The following RAP1GAP2 variants were observed in gnomAD, a reference collection of about 807,000 sequenced individuals.
RAP1GAP2 encodes the protein rap1 GTPase-activating protein 2.
In RAP1GAP2, 27 loss-of-function variants were observed where a neutral mutation model predicts 95.0. The ratio of observed to expected loss-of-function variants is 0.28; its 90% confidence interval spans 0.21 to 0.39. The LOEUF is 0.39. Ranked by LOEUF, RAP1GAP2 falls within the 10% of genes least tolerant of loss-of-function variation. The pLI, the probability that RAP1GAP2 is intolerant of heterozygous loss-of-function variation, is 1.00. For missense variants in RAP1GAP2, 771 were observed against 970.0 expected, an observed-to-expected ratio of 0.79 and a Z score of 2.72; for synonymous variants, 373 against 380.9, an observed-to-expected ratio of 0.98 and a Z score of 0.24.
Position 2,830,621 on chromosome 17 carries a change from G to A in RAP1GAP2, c.80+30071G>A, listed in dbSNP as rs530256984. Among the ~76,000 whole-genome samples the A allele has an allele frequency of 4.6e-5, 7 of 152,102 alleles. No homozygotes were observed. The East Asian group carries it at 9.7e-4, about 21-fold the overall frequency. ...CCCAGCTACTCAGGAAGCTGAGGCA[G>A]GAGAATCGCTTGAACCTGGGAGGCG... On this transcript the variant is annotated intron_variant, in intron 2 of 24. Coordinates refer to ENST00000254695, the MANE Select transcript of RAP1GAP2 (RefSeq NM_015085.5).
rs147401344 is a variant in RAP1GAP2 at position 2,829,230 on chromosome 17, C to T, written c.80+28680C>T. 3.1e-3 allele frequency among the ~76,000 whole-genome samples: 467 copies of T among 152,156 alleles called. 2 individuals carry two copies. Among genetic ancestry groups the T allele is most frequent in the African/African-American group, 0.011 (437 of 41,528 alleles). On this transcript the variant is annotated intron_variant, in intron 2 of 24. Transcript: ENST00000254695. ...AACTCCTGACCTCAGGTGATCCACC[C>T]GCCTCAGCCTTAAAAAGTACTGGGA...
intron 2 of RAP1GAP2, among the ~76,000 whole-genome samples, chr17:2,851,191 G>T (rs1249839920): frequency 1.3e-5 from 2 of 152,198 alleles, no homozygotes; most frequent in South Asian, 2.1e-4. Context: ...GGAAGCTTTG[G>T]CTGGGCTAAC....
intron 2 of RAP1GAP2, among the ~76,000 whole-genome samples, chr17:2,880,879 C>A (rs1466887240): frequency 6.6e-6 from 1 of 152,182 alleles, no homozygotes; most frequent in East Asian, 1.9e-4. Flanking sequence ...GGAATCCCAG[C>A]ACTTTGGGAG....
chr17:2,991,408 G>C lies in RAP1GAP2; in HGVS notation c.914+11G>C, dbSNP rs1243083101. The C allele has an allele frequency of 6.4e-7, 1 of 1,573,670 alleles. No homozygotes were observed. The highest frequency in any genetic ancestry group is 1.8e-5 in the Admixed American group (1 of 55,398). On this transcript the variant is annotated intron_variant, in intron 12 of 24. Coordinates refer to ENST00000254695, the MANE Select transcript of RAP1GAP2 (RefSeq NM_015085.5). ...GCAGGATTTCAAAGGGTGGGTTTTA[G>C]CCAAGTGACGGCTCCAGCTCCATCA...
chr17:3,035,332 G>A lies in RAP1GAP2; in HGVS notation c.*1971G>A, dbSNP rs1033592334. ...TAAGAACAGTTGCAGGATCTGGCTC[G>A]CCTCTGTGGGAAGCCGGCATTACAG... On this transcript the variant is annotated 3_prime_UTR_variant, in exon 25 of 25. Coordinates refer to ENST00000254695, the MANE Select transcript of RAP1GAP2 (RefSeq NM_015085.5). The surrounding 1 kb of genome is among the most constrained non-coding windows in gnomAD (Gnocchi z 4.3). The A allele has an allele frequency of 6.6e-6, 1 of 152,242 alleles. No homozygotes were observed. The highest frequency in any genetic ancestry group is 1.5e-5 in the Non-Finnish European group (1 of 68,068). The allele number at this position is 152,242 out of a possible 1,614,324, so 9.4% of individuals were successfully genotyped here.
chr17:2,895,637 C>T (rs915910281), intron 2 of RAP1GAP2, among the ~76,000 whole-genome samples: 10 of 151,740 alleles, frequency 6.6e-5, no homozygotes, highest in East Asian at 1.9e-4. Flanking sequence ...AGTGCAGTGG[C>T]GCGATCTCGG....
At chr17:2,767,836 T>C (rs1173507268) in intron 1 of RAP1GAP2, among the ~76,000 whole-genome samples, 2 of 151,560 alleles carry the variant, frequency 1.3e-5, no homozygotes, top group Non-Finnish European at 2.9e-5. Context: ...AGGTTCACGC[T>C]ATTCTCCTGC....
intron 2 of RAP1GAP2, among the ~76,000 whole-genome samples, chr17:2,834,262 G>A (rs2071034689): frequency 1.3e-5 from 2 of 152,182 alleles, no homozygotes; most frequent in East Asian, 1.9e-4. Flanking sequence ...TGCCCTGAGG[G>A]CCCCTGGGGG....
At chr17:2,972,353 G>A (rs900074176) in intron 8 of RAP1GAP2, among the ~76,000 whole-genome samples, 8 of 65,278 alleles carry the variant, frequency 1.2e-4, no homozygotes, top group Non-Finnish European at 2.3e-4. Context: ...TTATGGGCTG[G>A]GCACGGTGGC....
At position 2,933,401 on chromosome 17, in the gene RAP1GAP2, G is replaced by A. The variant is rs117728846; in HGVS notation, c.166-24358G>A. Among the ~76,000 whole-genome samples the A allele has an allele frequency of 7.5e-4, 114 of 152,340 alleles. No homozygotes were observed. The East Asian group carries it at 0.02, about 27-fold the overall frequency. On this transcript the variant is annotated intron_variant, in intron 3 of 24. Coordinates refer to ENST00000254695, the MANE Select transcript of RAP1GAP2 (RefSeq NM_015085.5). ...GACACAGCCAGACACCTGCCTTCCA[G>A]GGCCAGTTAGGAGAGGGTACAAGCT...
intron 3 of RAP1GAP2, among the ~76,000 whole-genome samples, chr17:2,925,956 T>C (rs1412191491): frequency 6.6e-6 from 1 of 151,938 alleles, no homozygotes; most frequent in African/African-American, 2.4e-5. Context: ...CTGGCCAACA[T>C]GGCGAAAGCC....
At chr17:2,845,236 G>T (rs1203158662) in intron 2 of RAP1GAP2, among the ~76,000 whole-genome samples, 1 of 151,672 alleles carries the variant, frequency 6.6e-6, no homozygotes, top group African/African-American at 2.4e-5. Context: ...TCTGCCTCCC[G>T]GGTTCAAGTG....
At chr17:2,843,030 G>A (rs2071433136) in intron 2 of RAP1GAP2, among the ~76,000 whole-genome samples, 1 of 152,128 alleles carries the variant, frequency 6.6e-6, no homozygotes, top group Non-Finnish European at 1.5e-5. Context: ...GGTGTACACG[G>A]TGTCTGCCTC....
chr17:3,020,605 G>A lies in RAP1GAP2; in HGVS notation c.1751+10G>A, dbSNP rs766446173. 6 of 1,611,342 alleles carry A rather than the reference G, an allele frequency of 3.7e-6. No individual in the cohort carries two copies. Among genetic ancestry groups the A allele is most frequent in the Middle Eastern group, 1.7e-4 (1 of 6,052 alleles). ...ACAGCCGGGCACGATGGTAACTGTT[G>A]GGAAACCCCTACCCCAGCCTGACTT... On this transcript the variant is annotated intron_variant, in intron 19 of 24. Coordinates refer to ENST00000254695, the MANE Select transcript of RAP1GAP2 (RefSeq NM_015085.5).
At position 2,965,537 on chromosome 17, in the gene RAP1GAP2, T is replaced by A; in HGVS notation, c.493-3T>A. On this transcript the variant is annotated splice_polypyrimidine_tract_variant and splice_region_variant and intron_variant, in intron 7 of 24. Transcript: ENST00000254695. This position sits in a 1 kb window ranked among gnomAD's most constrained non-coding sequence, Gnocchi z 4.7. ...CCTGCTCACACTCAGTTTCTTTTTT[T>A]AGGATCATCTAAACTTTTACTGTAC... The A allele has an allele frequency of 6.2e-7, 1 of 1,607,366 alleles. No homozygotes were observed. The highest frequency in any genetic ancestry group is 2.2e-5 in the East Asian group (1 of 44,762).
At chr17:2,846,105 C>T (rs989973560) in intron 2 of RAP1GAP2, among the ~76,000 whole-genome samples, 41 of 151,856 alleles carry the variant, frequency 2.7e-4, no homozygotes, top group African/African-American at 9.7e-4. Context: ...ATTGCTTGAA[C>T]CCGGGAGGTG....
intron 3 of RAP1GAP2, among the ~76,000 whole-genome samples, chr17:2,956,075 G>A (rs761860221): frequency 2.0e-5 from 3 of 152,140 alleles, no homozygotes; most frequent in South Asian, 4.1e-4. Context: ...CTTTCTATCC[G>A]TATTGATTGG....
intron 17 of RAP1GAP2, among the ~76,000 whole-genome samples, chr17:3,013,967 T>C (rs2046662363): frequency 9.2e-6 from 1 of 108,732 alleles, no homozygotes; most frequent in Admixed American, 1.0e-4. Flanking sequence ...CATGGAATCC[T>C]TTCTGGGAAA....
chr17:3,007,904 G>A (rs772288801), intron 16 of RAP1GAP2, 107 bp from the exon 17 acceptor site: 26 of 1,364,646 alleles, frequency 1.9e-5, no homozygotes, highest in Middle Eastern at 2.6e-4. Context: ...GCTGGGCCGG[G>A]CTGGGCAGAA....
Sources: allele counts gnomAD v4.1 joint callset (sites outside exome capture counted in the v4.1 genomes callset), GRCh38; gene constraint gnomAD v4.1.1; non-coding constraint Gnocchi (gnomAD v3.1); transcripts MANE v1.5; gene names NCBI Gene and HGNC (gene_info 2026-07-23, HGNC 2026-07-21).